Variants in EML5 observed in about 807,000 individuals in gnomAD.
The protein encoded by EML5 is echinoderm microtubule-associated protein-like 5.
A neutral mutation model predicts 250.0 loss-of-function variants in EML5; 120 were observed. The ratio of observed to expected loss-of-function variants is 0.48; its 90% CI spans 0.41 to 0.56. The LOEUF (loss-of-function observed/expected upper bound fraction) is 0.56, where lower values mean the gene tolerates loss of function less well. Among genes scored for constraint, EML5 ranks in the 20% least tolerant of loss-of-function variants. EML5 has a pLI of 0.00. For missense variants in EML5, 2,006 were observed against 2,437.6 expected, an observed-to-expected ratio of 0.82 and a Z score of 3.73; for synonymous variants, 771 against 806.5, an observed-to-expected ratio of 0.96 and a Z score of 0.75.
chr14:88,647,970 T>G (rs2091437945), intron 28 of EML5, among the ~76,000 whole-genome samples: 1 of 152,160 alleles, frequency 6.6e-6, no homozygotes, highest in South Asian at 2.1e-4. Context: ...GAGCCTAAGT[T>G]CCACCTGTTC....
rs368586142 is a variant in EML5 at position 88,688,246 on chromosome 14, T to C, written c.2742+25A>G. On this transcript the variant is annotated intron_variant, in intron 18 of 43. Coordinates refer to ENST00000554922, the MANE Select transcript of EML5 (RefSeq NM_183387.3). Reference sequence around the variant, plus strand: ...ACACTCCAGGACAAATTTTGTTTAATTTAAAATCTCTTTAGGTTACTTACT... The same window carrying C: ...ACACTCCAGGACAAATTTTGTTTAACTTAAAATCTCTTTAGGTTACTTACT... 70 of 1,613,156 alleles carry C rather than the reference T, an allele frequency of 4.3e-5. No individual in the cohort carries two copies. The African/African-American group carries it at 6.8e-4, about 16-fold the overall frequency.
chr14:88,792,574 G>A lies in EML5; in HGVS notation c.-71C>T, dbSNP rs2094622238. ...CGGGAGGCGGCGGCGGCCCGGCAACGAAAGCCCTCCCGCTGGCTGCCGGGA... is the reference window on the plus strand; with the variant it reads ...CGGGAGGCGGCGGCGGCCCGGCAACAAAAGCCCTCCCGCTGGCTGCCGGGA... On this transcript the variant is annotated 5_prime_UTR_variant, in exon 1 of 44. Transcript: ENST00000554922. This position sits in a 1 kb window ranked among gnomAD's most constrained non-coding sequence, Gnocchi z 6.9. 1.5e-5 allele frequency: 18 copies of A among 1,204,934 alleles called. No individual in the cohort carries two copies. The highest frequency in any genetic ancestry group is 1.8e-5 in the Non-Finnish European group (17 of 967,512). 74.6% of individuals were successfully genotyped at this position (1,204,934 alleles called of 1,614,324 possible). A position where few individuals can be genotyped will look rare whatever the true frequency, so the allele number is the denominator to read the frequency against.
intron 1 of EML5, among the ~76,000 whole-genome samples, chr14:88,785,136 A>C (rs1176827975): frequency 6.6e-6 from 1 of 152,172 alleles, no homozygotes; most frequent in African/African-American, 2.4e-5. Context: ...CTAAAAATCA[A>C]AACAACTGAA....
At chr14:88,690,371 G>C (rs566837109) in intron 17 of EML5, among the ~76,000 whole-genome samples, 1 of 152,210 alleles carries the variant, frequency 6.6e-6, no homozygotes, top group African/African-American at 2.4e-5. Context: ...GAGTTAGAAG[G>C]CTATTTCAAT....
At chr14:88,774,231 C>T (rs183019443) in intron 1 of EML5, among the ~76,000 whole-genome samples, 6 of 152,258 alleles carry the variant, frequency 3.9e-5, no homozygotes, top group Admixed American at 3.3e-4. Context: ...CCAGATAATT[C>T]GTATTTTTTA....
intron 7 of EML5, 29 bp downstream of exon 7, chr14:88,736,335 C>G: frequency 1.9e-6 from 3 of 1,603,612 alleles, no homozygotes; most frequent in Non-Finnish European, 2.6e-6. Context: ...TACATTCCAG[C>G]CTATGGAATT....
chr14:88,756,376 C>A (rs961689935), intron 1 of EML5, among the ~76,000 whole-genome samples: 1 of 152,138 alleles, frequency 6.6e-6, no homozygotes, highest in South Asian at 2.1e-4. Context: ...AGGACATCTA[C>A]ATAAACCCAA....
chr14:88,618,487 C>T, intron 40 of EML5, 156 bp from the exon 41 acceptor site: 1 of 1,083,714 alleles, frequency 9.2e-7, no homozygotes, highest in Non-Finnish European at 1.3e-6. Context: ...AGGAGAAAAG[C>T]TCTGATAAGT....
chr14:88,709,002 T>C (rs1311613251), intron 10 of EML5, among the ~76,000 whole-genome samples: 10 of 152,130 alleles, frequency 6.6e-5, no homozygotes, highest in Non-Finnish European at 1.3e-4. Flanking sequence ...ATATTTGTGT[T>C]TCAATGATTC....
chr14:88,704,961 TA>T lies in EML5; in HGVS notation c.1949del (p.Leu650HisfsTer84). On this transcript the variant is annotated frameshift_variant, in exon 13 of 44. Coordinates refer to ENST00000554922, the MANE Select transcript of EML5 (RefSeq NM_183387.3). LOFTEE classifies it high-confidence loss of function. ...CTTTGCACTGTTCTTTAAGCTGAGG[TA>T]GATCTTCTTTGTAAACCTTTAAAAA... ...TYRRQVYKED[L>X]PQLKEQCKEK... The T allele has an allele frequency of 6.2e-7, 1 of 1,611,080 alleles. No individual in the cohort carries two copies. Among genetic ancestry groups the T allele is most frequent in the Non-Finnish European group, 8.5e-7 (1 of 1,178,420 alleles).
chr14:88,688,698 G>C (rs989055342), intron 17 of EML5, among the ~76,000 whole-genome samples: 1 of 152,172 alleles, frequency 6.6e-6, no homozygotes, highest in Non-Finnish European at 1.5e-5. Context: ...GACTAAGTCT[G>C]TTTTAATCAG....
intron 1 of EML5, among the ~76,000 whole-genome samples, chr14:88,789,963 A>G (rs1238515556): frequency 2.0e-5 from 3 of 152,264 alleles, no homozygotes; most frequent in African/African-American, 7.2e-5. Context: ...CTAAGGTTAC[A>G]GCAACATTGG....
chr14:88,760,616 CT>C (rs1228287387), intron 1 of EML5, among the ~76,000 whole-genome samples: 1 of 152,076 alleles, frequency 6.6e-6, no homozygotes, highest in African/African-American at 2.4e-5. Context: ...TACCTTTGTT[CT>C]TTTTCCAAAT....
chr14:88,668,325 C>T (rs979950157), intron 21 of EML5, among the ~76,000 whole-genome samples: 1 of 151,474 alleles, frequency 6.6e-6, no homozygotes, highest in Admixed American at 6.6e-5. Flanking sequence ...ATGCAGAGTG[C>T]AGGAAGAAGA....
chr14:88,740,565 C>A lies in EML5; in HGVS notation c.533G>T (p.Ser178Ile). ...SCGVKHIKFW[S>I]LCGNALTPKR... is the part of the protein sequence containing the mutation. Reference sequence around the variant, plus strand: ...TGGGGTCAGAGCATTTCCACATAAACTCCAGAACTAAAAGGTATATAGTAT... The same window carrying A: ...TGGGGTCAGAGCATTTCCACATAAAATCCAGAACTAAAAGGTATATAGTAT... The change falls in exon 5 of 44, where the codon AGT (serine) becomes ATT (isoleucine). Residue 178 changes from serine to isoleucine, a missense_variant. Around this residue, in one of 7 missense-constraint regions of EML5, gnomAD observed 1,375 missense variants for 1,590.3 expected, o/e 0.86. Coordinates refer to ENST00000554922, the MANE Select transcript of EML5 (RefSeq NM_183387.3). 6.2e-7 allele frequency: 1 copy of A among 1,605,830 alleles called. No individual in the cohort carries two copies.
At chr14:88,628,127 A>G (rs1175855566) in intron 33 of EML5, among the ~76,000 whole-genome samples, 2 of 152,202 alleles carry the variant, frequency 1.3e-5, no homozygotes, top group East Asian at 1.9e-4. Flanking sequence ...AAACAAATGC[A>G]TGTTTTATGT....
intron 10 of EML5, among the ~76,000 whole-genome samples, chr14:88,707,377 C>T (rs2093336664): frequency 6.6e-6 from 1 of 151,852 alleles, no homozygotes; most frequent in Non-Finnish European, 1.5e-5. Flanking sequence ...ATCCTCCTGC[C>T]TTAGCCTCCC....
rs768625261 is a variant in EML5 at position 88,638,796 on chromosome 14, T to A, written c.4336+13A>T. The A allele has an allele frequency of 6.5e-7, 1 of 1,544,504 alleles. No individual in the cohort carries two copies. Among genetic ancestry groups the A allele is most frequent in the South Asian group, 1.2e-5 (1 of 81,358 alleles). ...TGCTTTAAATTGTTTCTTTTTAAAATACAGAAACATACCTACTTGGCCAGT... is the reference window on the plus strand; with the variant it reads ...TGCTTTAAATTGTTTCTTTTTAAAAAACAGAAACATACCTACTTGGCCAGT... On this transcript the variant is annotated intron_variant, in intron 32 of 43. Coordinates refer to ENST00000554922, the MANE Select transcript of EML5 (RefSeq NM_183387.3).
intron 2 of EML5, among the ~76,000 whole-genome samples, chr14:88,748,738 TAA>T: frequency 6.6e-6 from 1 of 151,516 alleles, no homozygotes; most frequent in South Asian, 2.1e-4. Context: ...ATACCAAGAA[TAA>T]AAAAAGATAT....
Sources: gnomAD v4.1 joint callset for allele counts (sites outside exome capture counted in the v4.1 genomes callset) on GRCh38, gnomAD v4.1.1 for gene constraint, gnomAD v4.1.1 regional missense constraint, Gnocchi (gnomAD v3.1) non-coding constraint, MANE v1.5 for transcripts, NCBI Gene and HGNC (gene_info 2026-07-23, HGNC 2026-07-21) for gene names.